Variants in PRDM6 observed in about 807,000 individuals in gnomAD.
PRDM6 encodes the protein putative histone-lysine N-methyltransferase PRDM6.
PRDM6 carries 25 observed loss-of-function variants against 60.8 expected under a neutral mutation model. The observed-to-expected ratio is 0.41, with a 90% CI of 0.30 to 0.57. PRDM6 has a LOEUF of 0.57. Ranked by LOEUF, PRDM6 falls within the 20% of genes least tolerant of loss-of-function variation. PRDM6 has a pLI of 0.27. For synonymous variants in PRDM6, 407 were observed against 357.4 expected (o/e 1.14, Z -1.57); for missense variants, 839 against 821.3 (o/e 1.02, Z -0.26).
intron 3 of PRDM6, among the ~76,000 whole-genome samples, chr5:123,122,162 G>A (rs459678): frequency 1.7e-5 from 2 of 121,074 alleles, no homozygotes; most frequent in South Asian, 5.8e-4. Flanking sequence ...GACTCCATCT[G>A]ACAAAAAAAA....
chr5:123,115,718 T>A (rs1435945215), intron 3 of PRDM6, among the ~76,000 whole-genome samples: 1 of 152,188 alleles, frequency 6.6e-6, no homozygotes, highest in African/African-American at 2.4e-5. Flanking sequence ...ATATTGAAAA[T>A]CTTTGTGAAC....
At chr5:123,121,570 A>T (rs1469976067) in intron 3 of PRDM6, among the ~76,000 whole-genome samples, 3 of 152,106 alleles carry the variant, frequency 2.0e-5, no homozygotes, top group Non-Finnish European at 4.4e-5. Context: ...GACTATGTAA[A>T]TGTAAATCCC....
At chr5:123,112,417 T>G (rs920695836) in intron 3 of PRDM6, among the ~76,000 whole-genome samples, 1 of 152,246 alleles carries the variant, frequency 6.6e-6, no homozygotes, top group Non-Finnish European at 1.5e-5. Context: ...TATGCCAGCT[T>G]TATCTGCTAA....
At chr5:123,111,689 A>G (rs1561815793) in intron 3 of PRDM6, among the ~76,000 whole-genome samples, 1 of 100,252 alleles carries the variant, frequency 1.0e-5, no homozygotes, top group Non-Finnish European at 2.3e-5. Flanking sequence ...CAGAGCGAGA[A>G]AACAAAACAA....
At chr5:123,157,333 T>A (rs1028422108) in intron 4 of PRDM6, among the ~76,000 whole-genome samples, 2 of 152,208 alleles carry the variant, frequency 1.3e-5, no homozygotes, top group African/African-American at 4.8e-5. Flanking sequence ...TGAGGTTTTT[T>A]ATAAAACTCT....
intron 3 of PRDM6, among the ~76,000 whole-genome samples, chr5:123,101,154 A>G (rs79463139): frequency 0.011 from 1,737 of 152,110 alleles, 32 homozygotes; most frequent in African/African-American, 0.04. Flanking sequence ...TCATTAATCC[A>G]CTCAAATTTT....
At position 123,187,139 on chromosome 5, in the gene PRDM6, C is replaced by G; in HGVS notation, c.1726C>G (p.Gln576Glu). Residue 576 changes from glutamine to glutamate, a missense_variant, in exon 8 of 8, where the codon CAG (glutamine) becomes GAG (glutamate). Around this residue, in one of 2 missense-constraint regions of PRDM6, gnomAD observed 109 missense variants for 172.6 expected, o/e 0.63. Transcript: ENST00000407847. ...FTQATQLSRH[Q>E]RMPNECKPIT... is the part of the protein sequence containing the mutation. ...GCAGGCCACCCAGCTGAGCCGACAC[C>G]AGCGGATGCCCAATGAGTGCAAGCC... 1 of 1,551,564 alleles carries G rather than the reference C, an allele frequency of 6.4e-7. No homozygotes were observed. The highest frequency in any genetic ancestry group is 8.7e-7 in the Non-Finnish European group (1 of 1,146,932).
chr5:123,136,928 C>T (rs1467168766), intron 3 of PRDM6, among the ~76,000 whole-genome samples: 1 of 152,210 alleles, frequency 6.6e-6, no homozygotes, highest in African/African-American at 2.4e-5. Context: ...GGCAACAACC[C>T]ACACTCTGCA....
intron 3 of PRDM6, among the ~76,000 whole-genome samples, chr5:123,114,672 T>C: frequency 6.6e-6 from 1 of 152,238 alleles, no homozygotes; most frequent in East Asian, 1.9e-4. Context: ...AGGTAACAGT[T>C]GAGGACAGAC....
chr5:123,177,623 C>A (rs1329660155), intron 6 of PRDM6, among the ~76,000 whole-genome samples: 1 of 152,166 alleles, frequency 6.6e-6, no homozygotes, highest in African/African-American at 2.4e-5. Flanking sequence ...CACACACACA[C>A]AACCATAGAA....
At chr5:123,155,779 G>A in intron 3 of PRDM6, 105 bp from the exon 4 acceptor site, 1 of 1,323,328 alleles carries the variant, frequency 7.6e-7, no homozygotes, top group Non-Finnish European at 1.0e-6. Context: ...GCAAACCTAA[G>A]GGCAATAAAT....
rs1273706934 is a variant in PRDM6 at position 123,090,159 on chromosome 5, C to T, written c.145C>T (p.Pro49Ser). The stretch of plus-strand genomic sequence containing the variant: ...CGCGGGTCTCCTGAGCGCGCCGCAG[C>T]CTCTTCAGCCGCCGCCGCCGCCCCC... ...GAAGLLSAPQPLQPPPPPPPP... is the reference protein window; with the variant it reads ...GAAGLLSAPQSLQPPPPPPPP... The change falls in exon 2 of 8, where the codon CCT (proline) becomes TCT (serine). Residue 49 changes from proline (P) to serine (S), a missense_variant. This residue lies in a region of PRDM6 where 730 missense variants were observed against 648.8 expected (regional missense o/e 1.13). Transcript: ENST00000407847. 4.6e-6 allele frequency: 7 copies of T among 1,506,202 alleles called. No individual in the cohort carries two copies. The highest frequency in any genetic ancestry group is 3.9e-4 in the Middle Eastern group (2 of 5,146). 93.3% of individuals were successfully genotyped at this position (1,506,202 alleles called of 1,614,324 possible).
At chr5:123,180,667 A>C (rs1015198166) in intron 7 of PRDM6, among the ~76,000 whole-genome samples, 25 of 152,236 alleles carry the variant, frequency 1.6e-4, no homozygotes, top group African/African-American at 5.3e-4. Flanking sequence ...TAGGAGCGAC[A>C]CAGAGCTCCT....
rs755375019 is a variant in PRDM6 at position 123,089,987 on chromosome 5, C to T, written c.-15-13C>T. 4.6e-6 allele frequency: 7 copies of T among 1,530,282 alleles called. No homozygotes were observed. The highest frequency in any genetic ancestry group is 2.5e-5 in the East Asian group (1 of 39,366). 94.8% of individuals were successfully genotyped at this position (1,530,282 alleles called of 1,614,324 possible). On this transcript the variant is annotated splice_polypyrimidine_tract_variant and intron_variant, in intron 1 of 7. Transcript: ENST00000407847. ...AGCTCACGCGCCCCCTCTTCCCTGC[C>T]CTCTGCCCCCAGTTCGAGGCGCCGG...
chr5:123,122,527 A>G (rs1349291020), intron 3 of PRDM6, among the ~76,000 whole-genome samples: 1 of 151,992 alleles, frequency 6.6e-6, no homozygotes, highest in Non-Finnish European at 1.5e-5. Flanking sequence ...GTTCCTGGTG[A>G]TCATTTCTCG....
At position 123,089,266 on chromosome 5, in the gene PRDM6, G is replaced by A. The variant is rs1407865602; in HGVS notation, c.-269G>A. The A allele has an allele frequency of 6.5e-6, 1 of 152,988 alleles. No homozygotes were observed. Among genetic ancestry groups the A allele is most frequent in the Non-Finnish European group, 1.5e-5 (1 of 68,368 alleles). 9.5% of individuals were successfully genotyped at this position (152,988 alleles called of 1,614,324 possible). On this transcript the variant is annotated 5_prime_UTR_variant, in exon 1 of 8. Transcript: ENST00000407847. ...GCCAGAGCGTGGAACCAAGGAGCCAGGACGCGGCAGCGGCCAAGCGCAGCA... is the reference window on the plus strand; with the variant it reads ...GCCAGAGCGTGGAACCAAGGAGCCAAGACGCGGCAGCGGCCAAGCGCAGCA...
chr5:123,134,731 TAGG>T (rs1257691406), intron 3 of PRDM6, among the ~76,000 whole-genome samples: 11 of 152,182 alleles, frequency 7.2e-5, no homozygotes, highest in African/African-American at 2.7e-4. Context: ...ATTTTCAATA[TAGG>T]ATTTCTGCTA....
intron 5 of PRDM6, among the ~76,000 whole-genome samples, chr5:123,169,228 A>G (rs1446523768): frequency 1.3e-5 from 2 of 152,250 alleles, no homozygotes; most frequent in Non-Finnish European, 2.9e-5. Context: ...AAAAAAGAAG[A>G]ATTTTTAAGC....
intron 3 of PRDM6, among the ~76,000 whole-genome samples, chr5:123,111,565 A>G (rs1764312907): frequency 6.6e-6 from 1 of 151,984 alleles, no homozygotes; most frequent in African/African-American, 2.4e-5. Flanking sequence ...GGGTGTGGTG[A>G]CGGGCGCCTG....
Sources: gnomAD v4.1 joint callset for allele counts (sites outside exome capture counted in the v4.1 genomes callset) on GRCh38, gnomAD v4.1.1 for gene constraint, gnomAD v4.1.1 regional missense constraint, MANE v1.5 for transcripts, NCBI Gene and HGNC (gene_info 2026-07-23, HGNC 2026-07-21) for gene names.